USP34: variants seen among roughly 807,000 people sequenced by gnomAD.
USP34 encodes ubiquitin carboxyl-terminal hydrolase 34.
USP34 carries 70 observed loss-of-function variants against 460.3 expected under a neutral mutation model. The observed-to-expected ratio is 0.15, with a 90% CI of 0.13 to 0.19. The LOEUF (loss-of-function observed/expected upper bound fraction) is 0.19, where lower values mean the gene tolerates loss of function less well. Ranked by LOEUF, USP34 falls within the 10% of genes least tolerant of loss-of-function variation. The pLI is 1.00. For synonymous variants in USP34, 1,647 were observed against 1,405.3 expected (o/e 1.17, Z -3.85); for missense variants, 3,985 against 4,236.2 (o/e 0.94, Z 1.65).
chr2:61,390,928 C>G (rs1454060581), intron 5 of USP34, among the ~76,000 whole-genome samples: 1 of 151,848 alleles, frequency 6.6e-6, no homozygotes, highest in African/African-American at 2.4e-5. Flanking sequence ...AACCCCATCT[C>G]TACTAAAAAT....
rs538222690 is a variant in USP34 at position 61,416,810 on chromosome 2, CTTTTT to C, written c.131+3931_131+3935del. On this transcript the variant is annotated intron_variant, in intron 2 of 79. Coordinates refer to ENST00000398571, the MANE Select transcript of USP34 (RefSeq NM_014709.4). Reference sequence around the variant, plus strand: ...AACATGTGTTATTAACCTCCCTAATCTTTTTTTTTTTGGGGGGGGGGACAGGAAGT... The same window carrying C: ...AACATGTGTTATTAACCTCCCTAATCTTTTTTGGGGGGGGGGACAGGAAGT... The C allele has an allele frequency of 1.5e-5, 5 of 333,860 alleles. No homozygotes were observed. The Admixed American group carries it at 3.0e-4, about 20-fold the overall frequency. 20.7% of individuals were successfully genotyped at this position (333,860 alleles called of 1,614,324 possible).
At chr2:61,390,870 G>A (rs187649114) in intron 5 of USP34, among the ~76,000 whole-genome samples, 2 of 152,026 alleles carry the variant, frequency 1.3e-5, no homozygotes, top group African/African-American at 2.4e-5. Context: ...GCTGAGGTGG[G>A]GGCATCGCAA....
chr2:61,343,724 T>C lies in USP34; in HGVS notation c.2500+91A>G, dbSNP rs971734023. 5 of 1,353,900 alleles carry C rather than the reference T, an allele frequency of 3.7e-6. No homozygotes were observed. The African/African-American group carries it at 7.4e-5, about 20-fold the overall frequency. 83.9% of individuals were successfully genotyped at this position (1,353,900 alleles called of 1,614,324 possible). A position where few individuals can be genotyped will look rare whatever the true frequency, so the allele number is the denominator to read the frequency against. On this transcript the variant is annotated intron_variant, in intron 16 of 79. Coordinates refer to ENST00000398571, the MANE Select transcript of USP34 (RefSeq NM_014709.4). ...TTTTGACAAAAACATTTAAGTACCA[T>C]AACCTTAACTATTGAGTCCTTTCAA...
intron 75 of USP34, among the ~76,000 whole-genome samples, chr2:61,196,345 C>T (rs183078346): frequency 6.6e-6 from 1 of 151,736 alleles, no homozygotes; most frequent in Non-Finnish European, 1.5e-5. Flanking sequence ...CCACCTTGAC[C>T]TCCCAAAGTG....
At chr2:61,463,642 T>C (rs1464850793) in intron 1 of USP34, among the ~76,000 whole-genome samples, 2 of 152,256 alleles carry the variant, frequency 1.3e-5, no homozygotes, top group East Asian at 1.9e-4. Context: ...AAGACCATCC[T>C]GGCCAACATG....
At chr2:61,267,760 CCCA>C (rs1572886411) in intron 41 of USP34, among the ~76,000 whole-genome samples, 1 of 151,818 alleles carries the variant, frequency 6.6e-6, no homozygotes, top group African/African-American at 2.4e-5. Context: ...ACTACAGGCG[CCCA>C]CCACAACACC....
intron 41 of USP34, among the ~76,000 whole-genome samples, chr2:61,271,969 C>T (rs571246710): frequency 6.6e-6 from 1 of 152,324 alleles, no homozygotes; most frequent in East Asian, 1.9e-4. Context: ...TTTAATACCT[C>T]TACTTGGATA....
chr2:61,312,487 A>G (rs1690624351), intron 25 of USP34, among the ~76,000 whole-genome samples: 1 of 151,956 alleles, frequency 6.6e-6, no homozygotes, highest in Admixed American at 6.6e-5. Flanking sequence ...GATGTGGAAG[A>G]CAGGATCCAA....
At chr2:61,395,324 C>T (rs528048332) in intron 3 of USP34, 91 bp from the exon 4 acceptor site, 12 of 816,238 alleles carry the variant, frequency 1.5e-5, no homozygotes, top group South Asian at 3.2e-5. Flanking sequence ...TTATAAAAAC[C>T]GAATAAACAG....
At chr2:61,282,838 T>C (rs1039896880) in intron 37 of USP34, among the ~76,000 whole-genome samples, 6 of 151,942 alleles carry the variant, frequency 3.9e-5, no homozygotes, top group African/African-American at 1.4e-4. Flanking sequence ...TTCTAAAACA[T>C]AAATTACCAA....
At chr2:61,356,131 G>T (rs1023264237) in intron 10 of USP34, among the ~76,000 whole-genome samples, 5 of 151,550 alleles carry the variant, frequency 3.3e-5, no homozygotes, top group African/African-American at 1.2e-4. Flanking sequence ...ATTCCTAACA[G>T]CCAGGATGTA....
chr2:61,440,934 T>G lies in USP34; in HGVS notation c.44-20101A>C, dbSNP rs572342400. 3.0e-3 allele frequency among the ~76,000 whole-genome samples: 454 copies of G among 151,658 alleles called. 3 individuals are homozygous for G. The highest frequency in any genetic ancestry group is 0.01 in the African/African-American group (429 of 41,442). On this transcript the variant is annotated intron_variant, in intron 1 of 79. Coordinates refer to ENST00000398571, the MANE Select transcript of USP34 (RefSeq NM_014709.4). ...TGAGGTCAGGAGATCGAGACCATCC[T>G]GGCTAACACGGTGAAACCCCGTCTC...
At chr2:61,193,053 A>C in intron 75 of USP34, 73 bp from the exon 76 acceptor site, 1 of 1,180,976 alleles carries the variant, frequency 8.5e-7, no homozygotes, top group East Asian at 2.6e-5. Context: ...CTCTGCAGGT[A>C]CAATATTACA....
At chr2:61,454,589 G>A (rs181887148) in intron 1 of USP34, among the ~76,000 whole-genome samples, 116 of 152,008 alleles carry the variant, frequency 7.6e-4, no homozygotes, top group African/African-American at 2.7e-3. Context: ...TCCCTCTGTC[G>A]CCCAGACTAC....
At chr2:61,351,852 G>C (rs1691951530) in intron 10 of USP34, among the ~76,000 whole-genome samples, 1 of 151,934 alleles carries the variant, frequency 6.6e-6, no homozygotes, top group Non-Finnish European at 1.5e-5. Context: ...AAAAAACAAT[G>C]GCAGTACTTC....
At chr2:61,261,499 T>A (rs1317394377) in intron 43 of USP34, among the ~76,000 whole-genome samples, 1 of 151,194 alleles carries the variant, frequency 6.6e-6, no homozygotes, top group African/African-American at 2.4e-5. Context: ...GCAAGGGGGG[T>A]TGGGAGGGAG....
chr2:61,375,498 G>A (rs534682833), intron 8 of USP34, among the ~76,000 whole-genome samples: 23 of 152,072 alleles, frequency 1.5e-4, no homozygotes, highest in African/African-American at 2.2e-4. Context: ...GGCGGGGCGC[G>A]GTGGCTCACG....
At chr2:61,377,899 CCAGA>C (rs1265666336) in intron 8 of USP34, among the ~76,000 whole-genome samples, 1 of 152,198 alleles carries the variant, frequency 6.6e-6, no homozygotes, top group Non-Finnish European at 1.5e-5. Flanking sequence ...AGAAATGTGG[CCAGA>C]CACAGTGGCT....
intron 5 of USP34, among the ~76,000 whole-genome samples, chr2:61,388,786 TACAC>T (rs1444018041): frequency 3.5e-5 from 5 of 143,028 alleles, no homozygotes; most frequent in Admixed American, 2.1e-4. Context: ...TATATATATG[TACAC>T]ACACACACAC....
Sources: gnomAD v4.1 joint callset for allele counts (sites outside exome capture counted in the v4.1 genomes callset) on GRCh38, gnomAD v4.1.1 for gene constraint, MANE v1.5 for transcripts, NCBI Gene and HGNC (gene_info 2026-07-23, HGNC 2026-07-21) for gene names.